DPP3: variants seen among roughly 807,000 people sequenced by gnomAD.
DPP3 encodes dipeptidyl peptidase 3.
In DPP3, 64 loss-of-function variants were observed where a neutral mutation model predicts 89.8. The ratio of observed to expected loss-of-function variants is 0.71; its 90% CI spans 0.58 to 0.88. DPP3 has a LOEUF of 0.88. Among genes scored for constraint, DPP3 ranks in the 40% least tolerant of loss-of-function variants. The probability of loss-of-function intolerance (pLI) is 0.00; values close to 1 mark genes in which losing one functional copy is unlikely to be tolerated. For synonymous variants in DPP3, 377 were observed against 404.3 expected, an observed-to-expected ratio of 0.93 and a Z score of 0.81; for missense variants, 835 against 972.5, an observed-to-expected ratio of 0.86 and a Z score of 1.88.
intron 2 of DPP3, among the ~76,000 whole-genome samples, chr11:66,484,642 G>C (rs1855172215): frequency 6.6e-6 from 1 of 152,056 alleles, no homozygotes; most frequent in Admixed American, 6.6e-5. Flanking sequence ...CCCACCCCTG[G>C]AGCTGGGGGA....
Position 66,493,592 on chromosome 11 carries a change from C to T in DPP3, c.1348C>T (p.His450Tyr). The change falls in exon 12 of 18, where the codon CAC (histidine) becomes TAC (tyrosine). Residue 450 changes from histidine to tyrosine, a missense_variant. By Grantham distance (83) the His-to-Tyr change is moderately conservative. Coordinates refer to ENST00000531863, the MANE Select transcript of DPP3 (RefSeq NM_130443.4). Reference sequence around the variant, plus strand: ...CTCCTTCGATGTGCAGGTGGGCCTGCACGAGCTGCTGGGCCATGGCAGTGG... The same window carrying T: ...CTCCTTCGATGTGCAGGTGGGCCTGTACGAGCTGCTGGGCCATGGCAGTGG... ...GPSFDVQVGL[H>Y]ELLGHGSGKL... The T allele has an allele frequency of 1.9e-6, 3 of 1,613,070 alleles. No homozygotes were observed. Among genetic ancestry groups the T allele is most frequent in the Non-Finnish European group, 2.5e-6 (3 of 1,179,884 alleles).
intron 16 of DPP3, among the ~76,000 whole-genome samples, chr11:66,502,273 C>G (rs1332631592): frequency 6.6e-6 from 1 of 151,100 alleles, no homozygotes; most frequent in Non-Finnish European, 1.5e-5. Flanking sequence ...AGCAGCTGAA[C>G]TAACTCTGAG....
intron 16 of DPP3, among the ~76,000 whole-genome samples, chr11:66,499,357 C>G (rs1020352386): frequency 6.6e-6 from 1 of 150,442 alleles, no homozygotes; most frequent in African/African-American, 2.5e-5. Flanking sequence ...GAGCAAAACT[C>G]CGCCTCAAAA....
intron 16 of DPP3, among the ~76,000 whole-genome samples, chr11:66,502,441 G>T (rs1464815962): frequency 6.6e-6 from 1 of 151,720 alleles, no homozygotes; most frequent in East Asian, 2.0e-4. Flanking sequence ...CCGAGTAGCT[G>T]GGATTATAGG....
At chr11:66,496,572 G>A (rs968544120) in intron 15 of DPP3, among the ~76,000 whole-genome samples, 12 of 151,920 alleles carry the variant, frequency 7.9e-5, no homozygotes, top group African/African-American at 1.5e-4. Flanking sequence ...GCACCACCAC[G>A]CCCAGCTAAT....
At position 66,492,892 on chromosome 11, in the gene DPP3, G is replaced by A. The variant is rs1452736630; in HGVS notation, c.1165G>A (p.Gly389Ser). The change falls in exon 10 of 18, where the codon GGC (glycine) becomes AGC (serine). Residue 389 changes from glycine to serine, a missense_variant. Gly to Ser is a moderately conservative substitution (Grantham distance 56). Coordinates refer to ENST00000531863, the MANE Select transcript of DPP3 (RefSeq NM_130443.4). Reference protein sequence around the residue: ...LTFAGSGIPAGINIPNYDDLR... With the variant: ...LTFAGSGIPASINIPNYDDLR... ...CTTCGCTGGCTCCGGCATCCCTGCC[G>A]GCATCAACATCCCCAACTGTGAGTG... The A allele has an allele frequency of 4.3e-6, 7 of 1,611,670 alleles. No individual in the cohort carries two copies. The highest frequency in any genetic ancestry group is 2.2e-5 in the South Asian group (2 of 90,730).
chr11:66,495,968 A>T (rs1855526197), intron 15 of DPP3, among the ~76,000 whole-genome samples: 1 of 152,202 alleles, frequency 6.6e-6, no homozygotes, highest in Non-Finnish European at 1.5e-5. Context: ...TTTCACGGTG[A>T]ATCAGATGAG....
At chr11:66,489,197 G>A (rs1855313021) in intron 6 of DPP3, among the ~76,000 whole-genome samples, 1 of 152,144 alleles carries the variant, frequency 6.6e-6, no homozygotes, top group African/African-American at 2.4e-5. Flanking sequence ...TCCATTCCCT[G>A]CTTCTCATGC....
intron 12 of DPP3, 67 bp from the exon 13 acceptor site, chr11:66,495,139 G>A (rs1404427118): frequency 6.2e-7 from 1 of 1,611,102 alleles, no homozygotes; most frequent in Admixed American, 1.7e-5. Context: ...CCGGCCTGTG[G>A]ATTCTGGGGC....
chr11:66,498,879 G>A (rs1476366971), intron 16 of DPP3, among the ~76,000 whole-genome samples: 1 of 152,164 alleles, frequency 6.6e-6, no homozygotes, highest in Non-Finnish European at 1.5e-5. Flanking sequence ...CAAGTGTGGT[G>A]ATGCACGCCT....
At position 66,492,730 on chromosome 11, in the gene DPP3, G is replaced by C; in HGVS notation, c.1003G>C (p.Val335Leu). ...CTCCTCTGCAGGTTTCGTAGCTGTG[G>C]TGAACAAGGCCATGAGTGCCAAGTT... Reference protein sequence around the residue: ...RGEFEGFVAVVNKAMSAKFER... With the variant: ...RGEFEGFVAVLNKAMSAKFER... Residue 335 changes from valine (V) to leucine (L), a missense_variant, in exon 10 of 18, where the codon GTG becomes CTG. Physicochemically the swap from Val to Leu is conservative, Grantham distance 32. Transcript: ENST00000531863. 1.9e-6 allele frequency: 3 copies of C among 1,598,576 alleles called. No homozygotes were observed. The highest frequency in any genetic ancestry group is 2.6e-6 in the Non-Finnish European group (3 of 1,173,334).
intron 4 of DPP3, 109 bp downstream of exon 4, chr11:66,486,786 A>G (rs1855241677): frequency 7.7e-7 from 1 of 1,300,024 alleles, no homozygotes; most frequent in South Asian, 1.9e-5. Context: ...TCTGCCTCAC[A>G]CTCCTGAGGC....
At position 66,493,658 on chromosome 11, in the gene DPP3, G is replaced by T. The variant is rs753543062; in HGVS notation, c.1389+25G>T. The T allele has an allele frequency of 5.0e-6, 8 of 1,587,882 alleles. No individual in the cohort carries two copies. In the East Asian group the frequency reaches 1.8e-4, roughly 37 times the overall value. ...GGTGAGAAGGCAGTGGCCAGCCCTGGCACCCCAGCCTACAGCTCCACTCCC... is the reference window on the plus strand; with the variant it reads ...GGTGAGAAGGCAGTGGCCAGCCCTGTCACCCCAGCCTACAGCTCCACTCCC... On this transcript the variant is annotated intron_variant, in intron 12 of 17. Transcript: ENST00000531863.
chr11:66,497,304 A>G lies in DPP3; in HGVS notation c.1705A>G (p.Met569Val), dbSNP rs1855563232. 6.2e-7 allele frequency: 1 copy of G among 1,613,646 alleles called. No individual in the cohort carries two copies. Among genetic ancestry groups the G allele is most frequent in the Non-Finnish European group, 8.5e-7 (1 of 1,179,926 alleles). ...CTTTCCCCTGCTCCGGCAGGCCCAT[A>G]TGCAGGCCCGGTTTGTGATCCTGAG... Reference protein sequence around the residue: ...PEAFNWRQAHMQARFVILRVL... With the variant: ...PEAFNWRQAHVQARFVILRVL... The change falls in exon 16 of 18, where the codon ATG becomes GTG. Residue 569 changes from methionine to valine, a missense_variant. Physicochemically the swap from Met to Val is conservative, Grantham distance 21 (BLOSUM62 1). Transcript: ENST00000531863.
At position 66,480,441 on chromosome 11, in the gene DPP3, T is replaced by C; in HGVS notation, c.-33T>C. The C allele has an allele frequency of 6.7e-7, 1 of 1,483,690 alleles. No homozygotes were observed. The highest frequency in any genetic ancestry group is 8.9e-7 in the Non-Finnish European group (1 of 1,123,176). 91.9% of individuals were successfully genotyped at this position (1,483,690 alleles called of 1,614,324 possible). A position where few individuals can be genotyped will look rare whatever the true frequency, so the allele number is the denominator to read the frequency against. ...GGGGGAGCCGGAAGCAGGAAGTGAG[T>C]TTGCGAACGGAGCAGCTGCTGCAGG... On this transcript the variant is annotated 5_prime_UTR_variant, in exon 1 of 18. Transcript: ENST00000531863.
intron 6 of DPP3, among the ~76,000 whole-genome samples, chr11:66,490,797 C>T (rs1271691868): frequency 6.0e-4 from 84 of 140,066 alleles, no homozygotes; most frequent in Non-Finnish European, 9.2e-4. Flanking sequence ...GAGATGGAGT[C>T]TCTTCTCTGT....
chr11:66,505,606 A>C (rs1199505044), intron 17 of DPP3, among the ~76,000 whole-genome samples: 1 of 152,128 alleles, frequency 6.6e-6, no homozygotes, highest in Non-Finnish European at 1.5e-5. Flanking sequence ...TGTTATCCCC[A>C]TTTTACAGGT....
At chr11:66,488,032 TCTGCTCCCTC>T (rs1855281992) in intron 6 of DPP3, 25 bp downstream of exon 6, 1 of 1,609,630 alleles carries the variant, frequency 6.2e-7, no homozygotes, top group Non-Finnish European at 8.5e-7. Context: ...AGGCTTCCCT[TCTGCTCCCTC>T]CTGGGCATTT....
intron 12 of DPP3, among the ~76,000 whole-genome samples, chr11:66,494,494 C>A (rs1855481024): frequency 6.6e-6 from 1 of 152,332 alleles, no homozygotes; most frequent in East Asian, 1.9e-4. Flanking sequence ...GCACCTTCAC[C>A]GAGCCTCAGT....
Sources: allele counts gnomAD v4.1 joint callset (sites outside exome capture counted in the v4.1 genomes callset), GRCh38; gene constraint gnomAD v4.1.1; transcripts MANE v1.5; gene names NCBI Gene and HGNC (gene_info 2026-07-23, HGNC 2026-07-21).